Variants in RFC2 observed in about 807,000 individuals in gnomAD.
RFC2 encodes replication factor C subunit 2.
RFC2 carries 34 observed loss-of-function variants against 44.8 expected under a neutral mutation model. The ratio of observed to expected loss-of-function variants is 0.76; its 90% CI spans 0.58 to 1.01. RFC2 has a LOEUF of 1.01. Ranked by LOEUF, RFC2 falls within the 50% of genes least tolerant of loss-of-function variation. The probability of loss-of-function intolerance (pLI) is 0.00; values close to 1 mark genes in which losing one functional copy is unlikely to be tolerated. For synonymous variants in RFC2, 177 were observed against 168.9 expected (o/e 1.05, Z -0.37); for missense variants, 400 against 453.6 (o/e 0.88, Z 1.07).
intron 6 of RFC2, among the ~76,000 whole-genome samples, chr7:74,242,922 CAAA>C (rs369066999): frequency 1.8e-5 from 2 of 108,570 alleles, no homozygotes; most frequent in African/African-American, 3.4e-5. Flanking sequence ...GACTTTGTCT[CAAA>C]AAAAAAAAAA....
At chr7:74,247,863 G>C (rs541185667) in intron 4 of RFC2, among the ~76,000 whole-genome samples, 15 of 152,270 alleles carry the variant, frequency 9.9e-5, no homozygotes, top group African/African-American at 3.6e-4. Context: ...CTGGTGCTAG[G>C]CCCTTCCTCA....
At chr7:74,248,564 C>T (rs1033015770) in intron 4 of RFC2, among the ~76,000 whole-genome samples, 3 of 151,412 alleles carry the variant, frequency 2.0e-5, no homozygotes, top group Admixed American at 6.6e-5. Context: ...CTCAACGGTG[C>T]GATCTCAGCT....
intron 4 of RFC2, among the ~76,000 whole-genome samples, chr7:74,247,778 A>G (rs1803706457): frequency 6.6e-6 from 1 of 152,328 alleles, no homozygotes; most frequent in Middle Eastern, 3.4e-3. Context: ...AGATGCCAAT[A>G]TCCTCCAGAC....
rs1354562003 is a variant in RFC2 at position 74,251,986 on chromosome 7, T to A, written c.183+443A>T. 2.3e-5 allele frequency among the ~76,000 whole-genome samples: 3 copies of A among 132,082 alleles called. No individual in the cohort carries two copies. The Admixed American group carries it at 2.4e-4, about 10-fold the overall frequency. 86.7% of individuals were successfully genotyped at this position (132,082 alleles called of 152,430 possible). On this transcript the variant is annotated intron_variant, in intron 2 of 10. Coordinates refer to ENST00000055077, the MANE Select transcript of RFC2 (RefSeq NM_181471.3). Reference sequence around the variant, plus strand: ...TGGTGGCGGGCGCCTGTAGTCCCAGTTACTCCGGAGGCTGAGGCAGGAGAA... The same window carrying A: ...TGGTGGCGGGCGCCTGTAGTCCCAGATACTCCGGAGGCTGAGGCAGGAGAA...
In RFC2 at chr7:74,254,255, C is replaced by A. The variant is rs782311620; in HGVS notation, c.113+16G>T. On this transcript the variant is annotated intron_variant, in intron 1 of 10. Transcript: ENST00000055077. ...CACGTCCAAACGCGCCCATTCTTTACGGCCTGGGACCTCACCACGGCAGTT... is the reference window on the plus strand; with the variant it reads ...CACGTCCAAACGCGCCCATTCTTTAAGGCCTGGGACCTCACCACGGCAGTT... The A allele has an allele frequency of 3.8e-6, 6 of 1,586,814 alleles. No homozygotes were observed. In the African/African-American group the frequency reaches 8.1e-5, roughly 21 times the overall value.
Position 74,237,434 on chromosome 7 carries a change from G to A in RFC2, c.768C>T (p.Asp256=), listed in dbSNP as rs781785492. The change falls in exon 9 of 11, where the codon GAC becomes GAT. Residue 256 remains aspartate (D), a synonymous_variant. Transcript: ENST00000055077. ...INSENVFKVC[D]EPHPLLVKEM... ...CCTTTACCAGCAGTGGGTGGGGCTCGTCACAGACCTGGCCAAAGGGAAAGG... is the reference window on the plus strand; with the variant it reads ...CCTTTACCAGCAGTGGGTGGGGCTCATCACAGACCTGGCCAAAGGGAAAGG... The A allele has an allele frequency of 1.7e-5, 27 of 1,587,394 alleles. No individual in the cohort carries two copies. The highest frequency in any genetic ancestry group is 5.4e-5 in the African/African-American group (4 of 74,682).
At chr7:74,237,166 T>A (rs1584246014) in intron 9 of RFC2, 196 bp downstream of exon 9, 2 of 463,398 alleles carry the variant, frequency 4.3e-6, no homozygotes, top group Admixed American at 3.1e-5. Flanking sequence ...CAGGCTGGGG[T>A]ACAGTGGCGC....
chr7:74,245,836 A>G (rs1324603642), intron 5 of RFC2, among the ~76,000 whole-genome samples: 2 of 151,880 alleles, frequency 1.3e-5, no homozygotes, highest in Non-Finnish European at 2.9e-5. Flanking sequence ...CGAGGCGGGT[A>G]GATCACCTGA....
intron 3 of RFC2, 52 bp downstream of exon 3, chr7:74,249,687 A>T: frequency 6.8e-7 from 1 of 1,460,900 alleles, no homozygotes; most frequent in African/African-American, 1.4e-5. Flanking sequence ...AGTTCAGCGG[A>T]CAGTGGGATG....
At chr7:74,247,456 A>G (rs781866497) in intron 4 of RFC2, among the ~76,000 whole-genome samples, 4 of 152,198 alleles carry the variant, frequency 2.6e-5, no homozygotes, top group Non-Finnish European at 5.9e-5. Context: ...CCTGGCCAAC[A>G]CGGCGAAAAT....
At chr7:74,253,342 G>A (rs1209599802) in intron 1 of RFC2, among the ~76,000 whole-genome samples, 1 of 151,906 alleles carries the variant, frequency 6.6e-6, no homozygotes, top group Non-Finnish European at 1.5e-5. Context: ...CAAAGTGCTG[G>A]GATTACTGGC....
Position 74,240,010 on chromosome 7 carries a change from C to T in RFC2, c.621G>A (p.Glu207=), listed in dbSNP as rs1345038275. 1 of 1,613,916 alleles carries T rather than the reference C, an allele frequency of 6.2e-7. No homozygotes were observed. Among genetic ancestry groups the T allele is most frequent in the Non-Finnish European group, 8.5e-7 (1 of 1,179,964 alleles). The change falls in exon 7 of 11, where the codon GAG becomes GAA. Residue 207 remains glutamate (E), a synonymous_variant. Transcript: ENST00000055077. ...QILTRLMNVI[E]KERVPYTDDG... is the part of the protein sequence containing the mutation. ...CATCAGTGTAGGGTACCCTCTCCTT[C>T]TCGATAACATTCATCAGCCTGGTGA... is the stretch of plus-strand genomic sequence containing the variant.
chr7:74,249,997 A>G (rs1786821916), intron 2 of RFC2, among the ~76,000 whole-genome samples: 1 of 151,790 alleles, frequency 6.6e-6, no homozygotes, highest in South Asian at 2.1e-4. Context: ...TCAAAAAATA[A>G]ACAAAATTAG....
At chr7:74,237,551 G>C in intron 8 of RFC2, 109 bp from the exon 9 acceptor site, 1 of 559,008 alleles carries the variant, frequency 1.8e-6, no homozygotes, top group Admixed American at 3.2e-5. Context: ...TTCTCAACCT[G>C]TTGTTTTCAT....
intron 4 of RFC2, among the ~76,000 whole-genome samples, chr7:74,247,736 T>G (rs930216068): frequency 5.9e-5 from 9 of 152,138 alleles, no homozygotes; most frequent in Admixed American, 5.9e-4. Context: ...GTGAAATTGA[T>G]CAATAAGCAA....
In RFC2 at chr7:74,249,877, G is replaced by A. The variant is rs191122686; in HGVS notation, c.184-97C>T. ...AGAACAAACAAGCAGGTTAAAACTC[G>A]GCTGAGCACAATGGCTCAGGCCTGT... On this transcript the variant is annotated intron_variant, in intron 2 of 10. Coordinates refer to ENST00000055077, the MANE Select transcript of RFC2 (RefSeq NM_181471.3). 6.7e-4 allele frequency: 722 copies of A among 1,078,722 alleles called. 3 individuals are homozygous for A. The highest frequency in any genetic ancestry group is 4.8e-4 in the Non-Finnish European group (335 of 696,038). 66.8% of individuals were successfully genotyped at this position (1,078,722 alleles called of 1,614,324 possible).
intron 6 of RFC2, among the ~76,000 whole-genome samples, chr7:74,241,280 C>T (rs1554719246): frequency 6.6e-6 from 1 of 152,168 alleles, no homozygotes; most frequent in African/African-American, 2.4e-5. Flanking sequence ...CTGGCATCTG[C>T]AAAGTGGAGA....
At chr7:74,236,979 T>C (rs1255251784) in intron 9 of RFC2, among the ~76,000 whole-genome samples, 2 of 151,700 alleles carry the variant, frequency 1.3e-5, no homozygotes, top group African/African-American at 4.8e-5. Flanking sequence ...AATAAATAAA[T>C]AAATAAACAA....
intron 3 of RFC2, 139 bp downstream of exon 3, chr7:74,249,597 CCAA>C: frequency 1.5e-6 from 1 of 669,980 alleles, no homozygotes; most frequent in Non-Finnish European, 2.7e-6. Context: ...CCCAGGCCTC[CCAA>C]CTAGAGTGAA....
Sources: allele counts gnomAD v4.1 joint callset (sites outside exome capture counted in the v4.1 genomes callset), GRCh38; gene constraint gnomAD v4.1.1; transcripts MANE v1.5; gene names NCBI Gene and HGNC (gene_info 2026-07-23, HGNC 2026-07-21).